Variants in WNK2 observed in about 807,000 individuals in gnomAD.
The protein encoded by WNK2 is WNK lysine deficient protein kinase 2, also known as serine/threonine-protein kinase WNK2.
WNK2 carries 67 observed loss-of-function variants against 192.1 expected under a neutral mutation model. The observed-to-expected ratio is 0.35, with a 90% CI of 0.29 to 0.43. WNK2 has a LOEUF of 0.43. WNK2 is among the 20% of genes least tolerant of loss of function. WNK2 has a pLI of 1.00. For synonymous variants in WNK2, 1,439 were observed against 1,393.9 expected, an observed-to-expected ratio of 1.03 and a Z score of -0.72; for missense variants, 2,698 against 3,089.7, an observed-to-expected ratio of 0.87 and a Z score of 3.01.
At chr9:93,315,448 ATCCCTTCTTAAAACAAGTCAACC>A (rs1454189592) in intron 28 of WNK2, 1 of 152,186 alleles carries the variant, frequency 6.6e-6, no homozygotes, top group East Asian at 1.9e-4. Flanking sequence ...GCATGGTCTC[ATCCCTTCTTAAAACAAGTCAACC>A]ATTTGTAAAC....
Position 93,288,940 on chromosome 9 carries a change from C to G in WNK2, c.4186C>G (p.Gln1396Glu). The G allele has an allele frequency of 6.2e-7, 1 of 1,606,610 alleles. No homozygotes were observed. The highest frequency in any genetic ancestry group is 1.1e-5 in the South Asian group (1 of 89,918). Reference sequence around the variant, plus strand: ...CTCCCCTCCTGTGACTGCTCTGCCCCAAGATGGAGCAGCTCCAGCCACCAG... The same window carrying G: ...CTCCCCTCCTGTGACTGCTCTGCCCGAAGATGGAGCAGCTCCAGCCACCAG... ...PSSPPVTALP[Q>E]DGAAPATSTM... is the part of the protein sequence containing the mutation. Residue 1396 changes from glutamine (Q) to glutamate (E), a missense_variant, in exon 20 of 30, where the codon CAA becomes GAA. This residue lies in a region of WNK2 where 1,098 missense variants were observed against 1,101.0 expected (regional missense o/e 1.00). Transcript: ENST00000427277.
intron 6 of WNK2, among the ~76,000 whole-genome samples, chr9:93,238,900 C>T (rs1403311458): frequency 6.6e-6 from 1 of 152,166 alleles, no homozygotes; most frequent in Non-Finnish European, 1.5e-5. Context: ...CCTCAGCCTT[C>T]CCTCCCCCTC....
intron 2 of WNK2, among the ~76,000 whole-genome samples, chr9:93,195,202 G>T (rs989818627): frequency 6.6e-6 from 1 of 151,982 alleles, no homozygotes; most frequent in Admixed American, 6.6e-5. Context: ...TGTAAATGTT[G>T]GATTTTAGTT....
intron 9 of WNK2, 85 bp downstream of exon 9, chr9:93,253,167 C>A: frequency 8.5e-7 from 1 of 1,180,002 alleles, no homozygotes; most frequent in Non-Finnish European, 1.1e-6. Context: ...CTGTGATGGG[C>A]TGTCCAGGCT....
chr9:93,246,937 C>T (rs1037952373), intron 7 of WNK2, among the ~76,000 whole-genome samples: 2 of 152,240 alleles, frequency 1.3e-5, no homozygotes, highest in African/African-American at 4.8e-5. Context: ...GTAGTTATTC[C>T]GTGAATATTC....
intron 19 of WNK2, among the ~76,000 whole-genome samples, chr9:93,270,771 A>G (rs528520118): frequency 1.3e-5 from 2 of 152,286 alleles, no homozygotes; most frequent in South Asian, 2.1e-4. Context: ...TGGAGGTAAC[A>G]GGAGCAGCAG....
intron 2 of WNK2, among the ~76,000 whole-genome samples, chr9:93,207,761 G>A (rs757308576): frequency 6.6e-6 from 1 of 152,348 alleles, no homozygotes; most frequent in African/African-American, 2.4e-5. Flanking sequence ...GCTTGCTGCC[G>A]GCACCCACGC....
chr9:93,233,979 G>C (rs549349700), intron 4 of WNK2, among the ~76,000 whole-genome samples: 1 of 152,172 alleles, frequency 6.6e-6, no homozygotes, highest in Admixed American at 6.5e-5. Context: ...GCTTATTATA[G>C]AGAATAGAGA....
intron 4 of WNK2, among the ~76,000 whole-genome samples, chr9:93,231,859 G>A (rs1318409694): frequency 6.6e-6 from 1 of 152,234 alleles, no homozygotes; most frequent in African/African-American, 2.4e-5. Context: ...CATGTACCTG[G>A]CCCCAGGTGT....
chr9:93,272,371 T>G (rs1281934566), intron 19 of WNK2, among the ~76,000 whole-genome samples: 1 of 152,182 alleles, frequency 6.6e-6, no homozygotes, highest in Non-Finnish European at 1.5e-5. Context: ...ATTTTGGAAT[T>G]CCTAGAGCAA....
chr9:93,283,306 A>G (rs1014044272), intron 19 of WNK2, among the ~76,000 whole-genome samples: 2 of 152,196 alleles, frequency 1.3e-5, no homozygotes, highest in East Asian at 1.9e-4. Context: ...AGATAAGAAC[A>G]TAAATTAATG....
intron 7 of WNK2, among the ~76,000 whole-genome samples, chr9:93,244,021 TAGG>T (rs1841240160): frequency 6.6e-6 from 1 of 152,206 alleles, no homozygotes; most frequent in Non-Finnish European, 1.5e-5. Context: ...TGCTTGAGCT[TAGG>T]AGGCCTTTGC....
intron 5 of WNK2, among the ~76,000 whole-genome samples, chr9:93,236,493 G>A (rs763434190): frequency 4.6e-5 from 7 of 152,228 alleles, no homozygotes; most frequent in Non-Finnish European, 7.3e-5. Flanking sequence ...GAGAAAGAAC[G>A]TGATAGTTGG....
At chr9:93,195,530 C>A (rs12337042) in intron 2 of WNK2, among the ~76,000 whole-genome samples, 1 of 151,746 alleles carries the variant, frequency 6.6e-6, no homozygotes, top group African/African-American at 2.4e-5. Flanking sequence ...GAAAACCTGT[C>A]TCTACTAAAA....
rs1344134916 is a variant in WNK2, at chr9:93,292,367, G to T, written c.4996G>T (p.Asp1666Tyr). ...YDRDGRQVASDSHVVPSVPQD... is the reference protein window; with the variant it reads ...YDRDGRQVASYSHVVPSVPQD... ...CAGAGATGGAAGGCAGGTGGCCTCA[G>T]ACTCCCATGTGGTCCCCAGCGTCCC... The change falls in exon 22 of 30, where the codon GAC becomes TAC. Residue 1666 changes from aspartate (D) to tyrosine (Y), a missense_variant. Physicochemically the swap from Asp to Tyr is radical, Grantham distance 160. Transcript: ENST00000427277. 1 of 1,613,984 alleles carries T rather than the reference G, an allele frequency of 6.2e-7. No individual in the cohort carries two copies. The highest frequency in any genetic ancestry group is 1.1e-5 in the South Asian group (1 of 91,074).
At chr9:93,303,456 G>C (rs928360841) in intron 26 of WNK2, among the ~76,000 whole-genome samples, 1 of 152,214 alleles carries the variant, frequency 6.6e-6, no homozygotes, top group African/African-American at 2.4e-5. Context: ...TTGGCTCAGG[G>C]ACCCTCCGGT....
chr9:93,266,320 C>T (rs1845168068), intron 16 of WNK2, among the ~76,000 whole-genome samples: 1 of 152,134 alleles, frequency 6.6e-6, no homozygotes, highest in African/African-American at 2.4e-5. Context: ...CTTGCCAGCC[C>T]CTTAGTAAAG....
At chr9:93,243,428 G>T (rs571027894) in intron 7 of WNK2, among the ~76,000 whole-genome samples, 14 of 152,300 alleles carry the variant, frequency 9.2e-5, no homozygotes, top group Admixed American at 8.5e-4. Flanking sequence ...TCCTGCATCA[G>T]TTCACAGCAG....
rs192046150 is a variant in WNK2, at chr9:93,204,455, C to T, written c.681+18845C>T. ...GGGCCAGAAAGGCGGGGCCAGCCCT[C>T]GGGGCTGTGGGCCCCAGGAGGACTC... On this transcript the variant is annotated intron_variant, in intron 2 of 29. Transcript: ENST00000427277. Among the ~76,000 whole-genome samples the T allele has an allele frequency of 1.3e-3, 202 of 152,308 alleles. 2 individuals carry two copies. Among genetic ancestry groups the T allele is most frequent in the Admixed American group, 2.0e-3 (31 of 15,306 alleles).
Sources: allele counts gnomAD v4.1 joint callset (sites outside exome capture counted in the v4.1 genomes callset), GRCh38; gene constraint gnomAD v4.1.1; regional missense constraint gnomAD v4.1.1; transcripts MANE v1.5; gene names NCBI Gene and HGNC (gene_info 2026-07-23, HGNC 2026-07-21).